Variants in ADGRE5 observed in about 807,000 individuals in gnomAD.
ADGRE5 encodes CD97 molecule.
A neutral mutation model predicts 100.3 loss-of-function variants in ADGRE5; 72 were observed. The observed-to-expected ratio is 0.72, with a 90% CI of 0.59 to 0.87. The LOEUF (loss-of-function observed/expected upper bound fraction) is 0.87, where lower values mean the gene tolerates loss of function less well. Ranked by LOEUF, ADGRE5 falls within the 40% of genes least tolerant of loss-of-function variation. The pLI, the probability that ADGRE5 is intolerant of heterozygous loss-of-function variation, is 0.00. For missense variants in ADGRE5, 959 were observed against 1,094.7 expected, an observed-to-expected ratio of 0.88 and a Z score of 1.75; for synonymous variants, 439 against 447.8, an observed-to-expected ratio of 0.98 and a Z score of 0.25.
At position 14,408,079 on chromosome 19, in the gene ADGRE5, C is replaced by A; in HGVS notation, c.2479-13C>A. 1 of 1,613,964 alleles carries A rather than the reference C, an allele frequency of 6.2e-7. No individual in the cohort carries two copies. Reference sequence around the variant, plus strand: ...GGCTAGCGGGGCTCAGGCCTCTGGGCTCTCCTCTCCAGGCCCTCAGGGCAT... The same window carrying A: ...GGCTAGCGGGGCTCAGGCCTCTGGGATCTCCTCTCCAGGCCCTCAGGGCAT... On this transcript the variant is annotated splice_polypyrimidine_tract_variant and intron_variant, in intron 19 of 19. Transcript: ENST00000242786.
intron 2 of ADGRE5, 64 bp from the exon 3 acceptor site, chr19:14,388,638 C>A (rs35363541): frequency 1.9e-6 from 3 of 1,605,486 alleles, no homozygotes; most frequent in Non-Finnish European, 2.6e-6. Flanking sequence ...CCATCTCCCC[C>A]AGTGCCCCCT....
intron 3 of ADGRE5, among the ~76,000 whole-genome samples, chr19:14,389,413 CAGGAAGGA>C (rs1260286307): frequency 5.0e-5 from 4 of 80,574 alleles, no homozygotes; most frequent in African/African-American, 2.6e-4. Flanking sequence ...GGAAAGGAGG[CAGGAAGGA>C]AGGAAGGGAG....
chr19:14,384,842 C>G (rs1335322672), intron 1 of ADGRE5, among the ~76,000 whole-genome samples: 2 of 151,348 alleles, frequency 1.3e-5, no homozygotes, highest in African/African-American at 4.9e-5. Context: ...TCTGTCTCCT[C>G]TGTCTTATAT....
chr19:14,391,926 G>A (rs572919340), intron 4 of ADGRE5, among the ~76,000 whole-genome samples: 55 of 150,940 alleles, frequency 3.6e-4, no homozygotes, highest in Admixed American at 1.7e-3. Flanking sequence ...TGAAACCCCC[G>A]TCTCTACTAA....
At chr19:14,407,252 G>A (rs568093463) in intron 18 of ADGRE5, 23 bp downstream of exon 18, 46 of 1,612,354 alleles carry the variant, frequency 2.9e-5, no homozygotes, top group East Asian at 1.6e-4. Flanking sequence ...GCACAGTGGC[G>A]CACGCCTGTC....
intron 1 of ADGRE5, among the ~76,000 whole-genome samples, chr19:14,384,729 C>T (rs1975274050): frequency 6.6e-6 from 1 of 151,838 alleles, no homozygotes; most frequent in Non-Finnish European, 1.5e-5. Context: ...CCCATCTCCT[C>T]CTGTTTCCCC....
chr19:14,399,563 C>CAAAAA lies in ADGRE5; in HGVS notation c.897+1451_897+1455dup, dbSNP rs764605166. Among the ~76,000 whole-genome samples the CAAAAA allele has an allele frequency of 2.3e-3, 72 of 31,846 alleles. 4 individuals carry two copies. Among genetic ancestry groups the CAAAAA allele is most frequent in the African/African-American group, 2.6e-3 (26 of 10,194 alleles). 20.9% of individuals were successfully genotyped at this position (31,846 alleles called of 152,430 possible). On this transcript the variant is annotated intron_variant, in intron 9 of 19. Coordinates refer to ENST00000242786, the MANE Select transcript of ADGRE5 (RefSeq NM_078481.4). ...TGGGCGACAGAGCGAGACTCCGTCT[C>CAAAAA]AAAAAAAAAAAAAAAAAAAAAAAAA... is the stretch of plus-strand genomic sequence containing the variant.
rs561107065 is a variant in ADGRE5 at position 14,388,829 on chromosome 19, T to C, written c.190+11T>C. 2.7e-5 allele frequency: 43 copies of C among 1,611,462 alleles called. No homozygotes were observed. The South Asian group carries it at 4.6e-4, about 17-fold the overall frequency. On this transcript the variant is annotated intron_variant, in intron 3 of 19. Coordinates refer to ENST00000242786, the MANE Select transcript of ADGRE5 (RefSeq NM_078481.4). ...CGGAGACTTGTGACGGTACAGAGGCTTGAGGGCAGCGCAGGGGACATCCGC... is the reference window on the plus strand; with the variant it reads ...CGGAGACTTGTGACGGTACAGAGGCCTGAGGGCAGCGCAGGGGACATCCGC...
chr19:14,399,300 C>T (rs1975910257), intron 9 of ADGRE5, among the ~76,000 whole-genome samples: 1 of 151,684 alleles, frequency 6.6e-6, no homozygotes, highest in East Asian at 2.0e-4. Context: ...CGGTGGCTCA[C>T]GCCTGTAATC....
chr19:14,391,352 A>G (rs1009539735), intron 4 of ADGRE5: 12 of 486,380 alleles, frequency 2.5e-5, no homozygotes, highest in Non-Finnish European at 4.5e-5. Context: ...CGCTGTCCAC[A>G]TGTGAGATGT....
At chr19:14,386,238 G>A (rs1975343741) in intron 1 of ADGRE5, among the ~76,000 whole-genome samples, 1 of 151,558 alleles carries the variant, frequency 6.6e-6, no homozygotes, top group African/African-American at 2.4e-5. Context: ...AGTTAGCCAG[G>A]CGTGGTGGTG....
At chr19:14,389,581 A>G (rs1975521154) in intron 3 of ADGRE5, among the ~76,000 whole-genome samples, 1 of 151,270 alleles carries the variant, frequency 6.6e-6, no homozygotes, top group South Asian at 2.1e-4. Context: ...CTAAAAACAC[A>G]AAAAATTAGC....
At chr19:14,398,256 C>G (rs576463512) in intron 9 of ADGRE5, 117 bp downstream of exon 9, 1 of 848,772 alleles carries the variant, frequency 1.2e-6, no homozygotes, top group Non-Finnish European at 2.0e-6. Context: ...GACACACATG[C>G]GCATAACATA....
At chr19:14,400,413 A>G (rs113856565) in intron 9 of ADGRE5, among the ~76,000 whole-genome samples, 6,734 of 152,062 alleles carry the variant, frequency 0.044, 510 homozygotes, top group African/African-American at 0.15. Flanking sequence ...CTCAGCCTCC[A>G]AACGCACTGG....
intron 9 of ADGRE5, among the ~76,000 whole-genome samples, chr19:14,400,828 C>T (rs1463338542): frequency 6.6e-6 from 1 of 152,012 alleles, no homozygotes; most frequent in Non-Finnish European, 1.5e-5. Context: ...TTGCATTTAA[C>T]CTAATAGATC....
intron 12 of ADGRE5, 81 bp downstream of exon 12, chr19:14,402,943 C>A: frequency 7.3e-7 from 1 of 1,378,534 alleles, no homozygotes; most frequent in Admixed American, 1.8e-5. Context: ...GATGCTCTTT[C>A]CCGACGTGAC....
chr19:14,404,420 C>T lies in ADGRE5; in HGVS notation c.1487C>T (p.Ala496Val). ...MPGPRQELLCAFWKSDSDRGG... is the reference protein window; with the variant it reads ...MPGPRQELLCVFWKSDSDRGG... ...GGGCCACGGCAGGAGCTGCTCTGTGCCTTCTGGAAGAGTGACAGCGACAGG... is the reference window on the plus strand; with the variant it reads ...GGGCCACGGCAGGAGCTGCTCTGTGTCTTCTGGAAGAGTGACAGCGACAGG... Residue 496 changes from alanine to valine, a missense_variant, in exon 13 of 20, where the codon GCC becomes GTC. Ala to Val is a moderately conservative substitution (Grantham distance 64). Coordinates refer to ENST00000242786, the MANE Select transcript of ADGRE5 (RefSeq NM_078481.4). The T allele has an allele frequency of 1.9e-6, 3 of 1,611,644 alleles. No individual in the cohort carries two copies. Among genetic ancestry groups the T allele is most frequent in the Non-Finnish European group, 1.7e-6 (2 of 1,179,714 alleles).
At chr19:14,407,035 C>T (rs1976281932) in intron 17 of ADGRE5, 26 bp from the exon 18 acceptor site, 5 of 1,613,752 alleles carry the variant, frequency 3.1e-6, no homozygotes, top group Non-Finnish European at 4.2e-6. Context: ...AGGTGGGGGC[C>T]CACGCTGCAA....
rs776301387 is a variant in ADGRE5, at chr19:14,406,805, A to G, written c.2115+39A>G. ...CTCCCTCCACCGAAGCCCGAGCGCC[A>G]CAGGCCCAGGCCCGGCTGGACCATC... On this transcript the variant is annotated intron_variant, in intron 16 of 19. Coordinates refer to ENST00000242786, the MANE Select transcript of ADGRE5 (RefSeq NM_078481.4). This position sits in a 1 kb window ranked among gnomAD's most constrained non-coding sequence, Gnocchi z 6.0. The G allele has an allele frequency of 3.7e-6, 6 of 1,611,762 alleles. No homozygotes were observed. The highest frequency in any genetic ancestry group is 4.2e-6 in the Non-Finnish European group (5 of 1,177,818).
Sources: gnomAD v4.1 joint callset for allele counts (sites outside exome capture counted in the v4.1 genomes callset) on GRCh38, gnomAD v4.1.1 for gene constraint, Gnocchi (gnomAD v3.1) non-coding constraint, MANE v1.5 for transcripts, NCBI Gene and HGNC (gene_info 2026-07-23, HGNC 2026-07-21) for gene names.